NRXN3: variants seen among roughly 807,000 people sequenced by gnomAD.
NRXN3 encodes the protein neurexin 3, also known as neurexin III.
NRXN3 carries 32 observed loss-of-function variants against 137.6 expected under a neutral mutation model. The observed-to-expected ratio is 0.23, with a 90% CI of 0.18 to 0.31. NRXN3 has a LOEUF of 0.31. NRXN3 is among the 10% of genes least tolerant of loss of function. The pLI, the probability that NRXN3 is intolerant of heterozygous loss-of-function variation, is 1.00. For synonymous variants in NRXN3, 798 were observed against 784.5 expected (o/e 1.02, Z -0.29); for missense variants, 1,574 against 2,062.5 (o/e 0.76, Z 4.59).
At chr14:78,479,556 C>G (rs1326707365) in intron 4 of NRXN3, among the ~76,000 whole-genome samples, 1 of 152,186 alleles carries the variant, frequency 6.6e-6, no homozygotes, top group East Asian at 1.9e-4. Context: ...GTCCCCAGAA[C>G]ATACTTATTA....
At chr14:79,016,522 C>T (rs188193361) in intron 15 of NRXN3, among the ~76,000 whole-genome samples, 12 of 152,274 alleles carry the variant, frequency 7.9e-5, no homozygotes, top group East Asian at 1.9e-4. Flanking sequence ...AGGGATAGCA[C>T]GGTGGTAACG....
chr14:78,604,385 C>T (rs1240669465), intron 4 of NRXN3, among the ~76,000 whole-genome samples: 1 of 151,244 alleles, frequency 6.6e-6, no homozygotes, highest in Non-Finnish European at 1.5e-5. Context: ...ACAGGAATAT[C>T]CCTAAATACT....
In NRXN3 at chr14:79,339,260, G is replaced by A. The variant is rs566948082; in HGVS notation, c.3263-127961G>A. ...TGTAAAGTGTGACCTAGGAAAACGA[G>A]ACAAAATCATTCTAAGCTGTATAGA... On this transcript the variant is annotated intron_variant, in intron 15 of 20. Transcript: ENST00000335750. 2.0e-5 allele frequency among the ~76,000 whole-genome samples: 3 copies of A among 152,310 alleles called. No individual in the cohort carries two copies. In the South Asian group the frequency reaches 6.2e-4, roughly 32 times the overall value.
chr14:79,866,890 G>A lies in NRXN3; in HGVS notation c.*4926G>A, dbSNP rs1446687927. ...CTGGATATATTAAAGGACAAGGTCA[G>A]ATACCCAAGTGGGACCGTGAGTGAT... On this transcript the variant is annotated 3_prime_UTR_variant, in exon 21 of 21. Coordinates refer to ENST00000335750, the MANE Select transcript of NRXN3 (RefSeq NM_001330195.2). The A allele has an allele frequency of 6.6e-6, 1 of 152,208 alleles. No individual in the cohort carries two copies. Among genetic ancestry groups the A allele is most frequent in the Admixed American group, 6.5e-5 (1 of 15,282 alleles). The allele number at this position is 152,208 out of a possible 1,614,324, so 9.4% of individuals were successfully genotyped here.
chr14:78,703,633 T>C (rs559656864), intron 6 of NRXN3: 19 of 152,228 alleles, frequency 1.2e-4, no homozygotes, highest in Non-Finnish European at 1.6e-4. Flanking sequence ...AAAAGCTTTA[T>C]TGAGATTTGT....
At chr14:79,170,689 T>C (rs1405146480) in intron 15 of NRXN3, among the ~76,000 whole-genome samples, 1 of 152,094 alleles carries the variant, frequency 6.6e-6, no homozygotes, top group Non-Finnish European at 1.5e-5. Context: ...GCTCTAGACT[T>C]CTCCTGTCTC....
At chr14:79,517,498 C>G (rs1333820566) in intron 16 of NRXN3, among the ~76,000 whole-genome samples, 2 of 152,048 alleles carry the variant, frequency 1.3e-5, no homozygotes, top group African/African-American at 4.8e-5. Context: ...TCTTTTATGG[C>G]ATCCTTATTT....
intron 15 of NRXN3, among the ~76,000 whole-genome samples, chr14:79,193,779 C>T (rs76365223): frequency 0.036 from 5,420 of 152,232 alleles, 231 homozygotes; most frequent in East Asian, 0.21. Flanking sequence ...AATGAGATCT[C>T]CTACATGAGT....
intron 6 of NRXN3, among the ~76,000 whole-genome samples, chr14:78,705,516 C>G (rs1047172479): frequency 9.9e-5 from 15 of 152,142 alleles, no homozygotes; most frequent in Admixed American, 6.5e-5. Context: ...TTCACAGAAC[C>G]TCAATTCAGG....
At chr14:79,155,069 G>A (rs2060138914) in intron 15 of NRXN3, among the ~76,000 whole-genome samples, 2 of 151,766 alleles carry the variant, frequency 1.3e-5, no homozygotes, top group South Asian at 4.1e-4. Context: ...GTCAACTACT[G>A]GACTTTTTCC....
intron 10 of NRXN3, among the ~76,000 whole-genome samples, chr14:78,860,995 C>T (rs190916626): frequency 7.4e-4 from 112 of 152,172 alleles, no homozygotes; most frequent in African/African-American, 2.5e-3. Context: ...AACATCACTG[C>T]CATTACCGTA....
At chr14:78,304,041 AC>A (rs761119994) in intron 4 of NRXN3, among the ~76,000 whole-genome samples, 7 of 152,144 alleles carry the variant, frequency 4.6e-5, no homozygotes, top group Non-Finnish European at 8.8e-5. Context: ...GGGGAGATAG[AC>A]AGGATTAGAT....
At chr14:78,557,974 A>G (rs546126097) in intron 4 of NRXN3, among the ~76,000 whole-genome samples, 3 of 152,200 alleles carry the variant, frequency 2.0e-5, no homozygotes, top group Non-Finnish European at 4.4e-5. Flanking sequence ...AACCTGTGAT[A>G]TAGGTACTAT....
chr14:78,201,581 C>T (rs977412360), intron 1 of NRXN3, among the ~76,000 whole-genome samples: 4 of 152,308 alleles, frequency 2.6e-5, no homozygotes, highest in Admixed American at 6.5e-5. Context: ...GAGCCTGCAT[C>T]GAGGACTGGT....
chr14:78,541,463 A>T (rs1201056868), intron 4 of NRXN3, among the ~76,000 whole-genome samples: 2 of 152,184 alleles, frequency 1.3e-5, no homozygotes, highest in African/African-American at 4.8e-5. Context: ...TTTCAGCTCC[A>T]TCAGGTCATT....
chr14:79,004,838 T>C (rs189107694), intron 15 of NRXN3, among the ~76,000 whole-genome samples: 32 of 152,308 alleles, frequency 2.1e-4, no homozygotes, highest in South Asian at 1.5e-3. Context: ...ATGTTTCTTC[T>C]TTTAAGGTCA....
intron 4 of NRXN3, among the ~76,000 whole-genome samples, chr14:78,369,343 T>C (rs1161208545): frequency 6.6e-6 from 1 of 152,058 alleles, no homozygotes; most frequent in Non-Finnish European, 1.5e-5. Flanking sequence ...GAATTCCAGG[T>C]ATCCTAGACT....
chr14:79,576,880 G>A (rs2097669738), intron 16 of NRXN3, among the ~76,000 whole-genome samples: 2 of 152,240 alleles, frequency 1.3e-5, no homozygotes, highest in South Asian at 4.1e-4. Context: ...AGTAAGGATG[G>A]TCTTTGAAAT....
intron 15 of NRXN3, among the ~76,000 whole-genome samples, chr14:79,083,203 T>G (rs1192552232): frequency 6.6e-6 from 1 of 152,214 alleles, no homozygotes; most frequent in Non-Finnish European, 1.5e-5. Context: ...ATAGCATTAC[T>G]GTAAAAATAA....
Sources: gnomAD v4.1 joint callset for allele counts (sites outside exome capture counted in the v4.1 genomes callset) on GRCh38, gnomAD v4.1.1 for gene constraint, MANE v1.5 for transcripts, NCBI Gene and HGNC (gene_info 2026-07-23, HGNC 2026-07-21) for gene names.